ISM2: variants seen among roughly 807,000 people sequenced by gnomAD.
ISM2 encodes the protein isthmin 2.
Under a neutral mutation model 58.0 loss-of-function variants are expected in ISM2, and 50 were observed. That is an observed-to-expected ratio of 0.86 (90% confidence interval 0.69 to 1.09). The LOEUF (loss-of-function observed/expected upper bound fraction) is 1.09, where lower values mean the gene tolerates loss of function less well. Ranked by LOEUF, ISM2 falls within the 50% of genes least tolerant of loss-of-function variation. ISM2 has a pLI of 0.00. For synonymous variants in ISM2, 303 were observed against 312.4 expected, an observed-to-expected ratio of 0.97 and a Z score of 0.32; for missense variants, 723 against 745.0, an observed-to-expected ratio of 0.97 and a Z score of 0.34.
chr14:77,497,753 GGGAGGGAGGGAGGGAGGGAA>G (rs1229976057), intron 1 of ISM2, among the ~76,000 whole-genome samples: 82 of 82,734 alleles, frequency 9.9e-4, no homozygotes, highest in African/African-American at 4.3e-3. Context: ...GAGGGAGGGA[GGGAGGGAGGGAGGGAGGGAA>G]GGAAGGAAGG....
At chr14:77,482,788 T>G in intron 3 of ISM2, 121 bp from the exon 4 acceptor site, 1 of 637,822 alleles carries the variant, frequency 1.6e-6, no homozygotes, top group South Asian at 2.3e-5. Context: ...AAACCAGCTG[T>G]CTTCTCTTGG....
rs764380970 is a variant in ISM2, at chr14:77,482,615, A to G, written c.680T>C (p.Leu227Ser). The change falls in exon 4 of 7, where the codon TTG becomes TCG. Residue 227 changes from leucine (L) to serine (S), a missense_variant. By Grantham distance (145) the Leu-to-Ser change is moderately radical (BLOSUM62 -2). Transcript: ENST00000342219. ...GGGCGGGGGATTGCTGGGCTCAGCC[A>G]ACAGGTCTATCGACACCTCGGCCTG... ...DPQAEVSIDL[L>S]AEPSNPPPQD... 2.4e-5 allele frequency: 39 copies of G among 1,604,140 alleles called. No homozygotes were observed. Among genetic ancestry groups the G allele is most frequent in the Non-Finnish European group, 3.3e-5 (39 of 1,175,578 alleles).
chr14:77,490,055 G>A (rs367808227), intron 1 of ISM2, among the ~76,000 whole-genome samples: 37 of 152,310 alleles, frequency 2.4e-4, no homozygotes, highest in Middle Eastern at 3.4e-3. Context: ...AATAGAGATG[G>A]GGTTTCACCG....
Position 77,484,333 on chromosome 14 carries a change from G to A in ISM2, c.617C>T (p.Pro206Leu). Reference protein sequence around the residue: ...LVHATLSTPNPDNQVTIKVVE... With the variant: ...LVHATLSTPNLDNQVTIKVVE... ...TTCTGTAGCTCTCACCTGGTTATCA[G>A]GGTTAGGGGTACTCAAGGTTGCGTG... Residue 206 changes from proline to leucine, a missense_variant, in exon 3 of 7, where the codon CCT becomes CTT. By Grantham distance (98) the Pro-to-Leu change is moderately conservative (BLOSUM62 -3). Coordinates refer to ENST00000342219, the MANE Select transcript of ISM2 (RefSeq NM_199296.3). 4.3e-6 allele frequency: 7 copies of A among 1,611,362 alleles called. No homozygotes were observed. The highest frequency in any genetic ancestry group is 5.9e-6 in the Non-Finnish European group (7 of 1,178,434).
At chr14:77,497,763 G>A (rs1268979164) in intron 1 of ISM2, among the ~76,000 whole-genome samples, 4 of 91,628 alleles carry the variant, frequency 4.4e-5, no homozygotes, top group Non-Finnish European at 6.6e-5. Flanking sequence ...GGGAGGGAGG[G>A]AGGGAGGGAA....
intron 1 of ISM2, among the ~76,000 whole-genome samples, chr14:77,489,779 A>G (rs2079190285): frequency 6.6e-6 from 1 of 152,180 alleles, no homozygotes; most frequent in African/African-American, 2.4e-5. Context: ...ATGGTGTGCA[A>G]CCTGTGTCTT....
chr14:77,497,084 G>A (rs1366117976), intron 1 of ISM2, among the ~76,000 whole-genome samples: 1 of 151,178 alleles, frequency 6.6e-6, no homozygotes, highest in African/African-American at 2.4e-5. Context: ...AAAATGGGAA[G>A]AATGGCTGGG....
intron 1 of ISM2, among the ~76,000 whole-genome samples, chr14:77,497,753 GGGAGGGAGGGAGGGAGGGAAGGAA>G (rs1307848444): frequency 1.2e-4 from 10 of 82,754 alleles, no homozygotes; most frequent in African/African-American, 5.4e-4. Flanking sequence ...GAGGGAGGGA[GGGAGGGAGGGAGGGAGGGAAGGAA>G]GGAAGGAAGG....
At chr14:77,480,241 A>C (rs910330484) in intron 4 of ISM2, among the ~76,000 whole-genome samples, 1 of 151,598 alleles carries the variant, frequency 6.6e-6, no homozygotes, top group Admixed American at 6.6e-5. Context: ...AGCTGTGATC[A>C]TGCTACTGCA....
intron 6 of ISM2, among the ~76,000 whole-genome samples, chr14:77,477,703 G>T (rs1221644160): frequency 6.6e-6 from 1 of 152,186 alleles, no homozygotes; most frequent in African/African-American, 2.4e-5. Flanking sequence ...GGCTCAGTAG[G>T]CTCTTGCTGT....
At position 77,497,737 on chromosome 14, in the gene ISM2, A is replaced by AGGAGGGAG. The variant is rs1292866877; in HGVS notation, c.141+908_141+915dup. ...AGGGAGAAAGAAAAAGTAGGAAGGA[A>AGGAGGGAG]GGAGGGAGGGAGGGAGGGAGGGAGG... On this transcript the variant is annotated intron_variant, in intron 1 of 6. Transcript: ENST00000342219. Among the ~76,000 whole-genome samples the AGGAGGGAG allele has an allele frequency of 1.3e-3, 60 of 46,338 alleles. 2 individuals carry two copies. Among genetic ancestry groups the AGGAGGGAG allele is most frequent in the African/African-American group, 4.1e-3 (59 of 14,486 alleles). 30.4% of individuals were successfully genotyped at this position (46,338 alleles called of 152,430 possible).
intron 6 of ISM2, 67 bp downstream of exon 6, chr14:77,478,175 A>T: frequency 7.5e-7 from 1 of 1,330,222 alleles, no homozygotes. Context: ...GCCATGGAAT[A>T]ATACCCCACC....
In ISM2 at chr14:77,486,882, C is replaced by T. The variant is rs1274153217; in HGVS notation, c.142-1963G>A. ...CAGGCCAGGAATGCTGCCACATAGC[C>T]TGCAGTGCACAAGGCCATCCCACAA... On this transcript the variant is annotated intron_variant, in intron 1 of 6. Coordinates refer to ENST00000342219, the MANE Select transcript of ISM2 (RefSeq NM_199296.3). Among the ~76,000 whole-genome samples, 4 of 151,314 alleles carry T rather than the reference C, an allele frequency of 2.6e-5. No individual in the cohort carries two copies. In the Admixed American group the frequency reaches 2.7e-4, roughly 10 times the overall value.
chr14:77,498,422 G>T, intron 1 of ISM2: 1 of 1,242,626 alleles, frequency 8.0e-7, no homozygotes, highest in Non-Finnish European at 1.1e-6. Context: ...TCACCCGGCT[G>T]GTCCGCGGCA....
At chr14:77,488,531 C>A (rs577615976) in intron 1 of ISM2, among the ~76,000 whole-genome samples, 3 of 152,154 alleles carry the variant, frequency 2.0e-5, no homozygotes, top group Admixed American at 6.5e-5. Flanking sequence ...TCCACATGAC[C>A]GGGGTTCAAT....
At chr14:77,489,956 C>T (rs1013752744) in intron 1 of ISM2, among the ~76,000 whole-genome samples, 1 of 152,190 alleles carries the variant, frequency 6.6e-6, no homozygotes, top group Non-Finnish European at 1.5e-5. Flanking sequence ...CTAAGCCTCC[C>T]GGGTTCACGC....
intron 1 of ISM2, among the ~76,000 whole-genome samples, chr14:77,496,422 A>G (rs1294070178): frequency 6.6e-6 from 1 of 151,588 alleles, no homozygotes; most frequent in African/African-American, 2.4e-5. Flanking sequence ...CAGGAGGCGG[A>G]GGTTGTGGTG....
rs533584841 is a variant in ISM2, at chr14:77,493,533, C to A, written c.141+5120G>T. On this transcript the variant is annotated intron_variant, in intron 1 of 6. Coordinates refer to ENST00000342219, the MANE Select transcript of ISM2 (RefSeq NM_199296.3). Reference sequence around the variant, plus strand: ...CTGGAGTGCAGTGGCACGATCTCAGCACACTGCAACCTCTGCCTCCTTAGT... The same window carrying A: ...CTGGAGTGCAGTGGCACGATCTCAGAACACTGCAACCTCTGCCTCCTTAGT... Among the ~76,000 whole-genome samples, 4 of 152,308 alleles carry A rather than the reference C, an allele frequency of 2.6e-5. No individual in the cohort carries two copies. The South Asian group carries it at 6.2e-4, about 24-fold the overall frequency.
chr14:77,476,171 G>A, intron 6 of ISM2, 59 bp from the exon 7 acceptor site: 1 of 1,488,608 alleles, frequency 6.7e-7, no homozygotes, highest in Non-Finnish European at 8.9e-7. Flanking sequence ...CCCGTGTGGG[G>A]CGGGGACTGA....
Sources: allele counts gnomAD v4.1 joint callset (sites outside exome capture counted in the v4.1 genomes callset), GRCh38; gene constraint gnomAD v4.1.1; transcripts MANE v1.5; gene names NCBI Gene and HGNC (gene_info 2026-07-23, HGNC 2026-07-21).